Variants in PHACTR2 observed in about 807,000 individuals in gnomAD.
The protein encoded by PHACTR2 is phosphatase and actin regulator 2.
A neutral mutation model predicts 76.0 loss-of-function variants in PHACTR2; 30 were observed. The observed-to-expected ratio is 0.39, with a 90% confidence interval of 0.30 to 0.54. PHACTR2 has a LOEUF of 0.54. Among genes scored for constraint, PHACTR2 ranks in the 20% least tolerant of loss-of-function variants. The pLI is 0.61. For missense variants in PHACTR2, 696 were observed against 781.1 expected, an observed-to-expected ratio of 0.89 and a Z score of 1.30; for synonymous variants, 292 against 292.5, an observed-to-expected ratio of 1.00 and a Z score of 0.02.
rs142637402 is a variant in PHACTR2, at chr6:143,659,420, C to T, written c.13+51098C>T. ...GCAGTCAAGGTGTCAGTAGGGATGT[C>T]GTCTCATCCAAGGCTTGACTGAGGA... On this transcript the variant is annotated intron_variant, in intron 1 of 11. Transcript: ENST00000305766. The surrounding 1 kb of genome is among the most constrained non-coding windows in gnomAD (Gnocchi z 5.0). Among the ~76,000 whole-genome samples the T allele has an allele frequency of 4.3e-3, 656 of 152,242 alleles. 3 individuals are homozygous for T. The highest frequency in any genetic ancestry group is 6.9e-3 in the Non-Finnish European group (466 of 68,004).
At position 143,754,698 on chromosome 6, in the gene PHACTR2, C is replaced by T. The variant is rs1304090027; in HGVS notation, c.454+786C>T. Among the ~76,000 whole-genome samples the T allele has an allele frequency of 2.0e-5, 3 of 152,202 alleles. No individual in the cohort carries two copies. The highest frequency in any genetic ancestry group is 2.9e-5 in the Non-Finnish European group (2 of 68,046). ...GCTGTGATGCGTAGGAACCTCCAAA[C>T]ATGAAATGAAACTTCTAAAAGGAAA... On this transcript the variant is annotated intron_variant, in intron 4 of 12. Transcript: ENST00000440869. This position sits in a 1 kb window ranked among gnomAD's most constrained non-coding sequence, Gnocchi z 6.2.
intron 1 of PHACTR2, among the ~76,000 whole-genome samples, chr6:143,628,917 T>C (rs1363478194): frequency 8.3e-6 from 1 of 120,478 alleles, no homozygotes; most frequent in Non-Finnish European, 1.7e-5. Context: ...AATGTTTAAA[T>C]GCAGGAGATA....
intron 1 of PHACTR2, among the ~76,000 whole-genome samples, chr6:143,574,802 TTCTAAA>T: frequency 6.6e-6 from 1 of 152,122 alleles, no homozygotes; most frequent in Non-Finnish European, 1.5e-5. Context: ...TTCATTTTTG[TTCTAAA>T]TCTAACAGCT....
chr6:143,714,702 G>A (rs1399547567), intron 2 of PHACTR2, among the ~76,000 whole-genome samples: 1 of 152,068 alleles, frequency 6.6e-6, no homozygotes, highest in African/African-American at 2.4e-5. Context: ...TCTCTTTTCC[G>A]TCCACTTCTC....
upstream of PHACTR2, among the ~76,000 whole-genome samples, chr6:143,604,006 G>A (rs1050296056): frequency 1.3e-5 from 2 of 150,726 alleles, no homozygotes; most frequent in Non-Finnish European, 2.9e-5. Flanking sequence ...ACTGAGGCTC[G>A]AGAATCACTT....
rs944434229 is a variant in PHACTR2 at position 143,680,079 on chromosome 6, A to G, written c.46+1870A>G. 2.0e-5 allele frequency among the ~76,000 whole-genome samples: 3 copies of G among 152,060 alleles called. No homozygotes were observed. Among genetic ancestry groups the G allele is most frequent in the African/African-American group, 4.8e-5 (2 of 41,396 alleles). ...AAAGAACAGTTTTCTCGTGGTATCC[A>G]GTGTCTCTAAATCCGTTAGAGCTAC... On this transcript the variant is annotated intron_variant, in intron 1 of 12. Coordinates refer to ENST00000440869, the MANE Select transcript of PHACTR2 (RefSeq NM_001100164.2). This position sits in a 1 kb window ranked among gnomAD's most constrained non-coding sequence, Gnocchi z 4.5.
rs1284365702 is a variant in PHACTR2 at position 143,595,175 on chromosome 6, T to C, written c.217+57968T>C. Reference sequence around the variant, plus strand: ...ATGCAAAATATAGATGGACGAGGAATGATGTTGCTTATTAAAAAGTTCAAT... The same window carrying C: ...ATGCAAAATATAGATGGACGAGGAACGATGTTGCTTATTAAAAAGTTCAAT... On this transcript the variant is annotated intron_variant, in intron 1 of 11. Coordinates refer to the PHACTR2 transcript ENST00000367584. The surrounding 1 kb of genome is among the most constrained non-coding windows in gnomAD (Gnocchi z 4.2). 6.6e-6 allele frequency among the ~76,000 whole-genome samples: 1 copy of C among 152,186 alleles called. No homozygotes were observed. The highest frequency in any genetic ancestry group is 1.9e-4 in the East Asian group (1 of 5,192).
rs544800409 is a variant in PHACTR2, at chr6:143,829,942, T to C, written c.*6253T>C. ...CTACCCTCAGGTCAATTTTATGGTATATGAAAATGCCAGTAATATTTGTGC... is the reference window on the plus strand; with the variant it reads ...CTACCCTCAGGTCAATTTTATGGTACATGAAAATGCCAGTAATATTTGTGC... On this transcript the variant is annotated 3_prime_UTR_variant, in exon 13 of 13. Coordinates refer to ENST00000440869, the MANE Select transcript of PHACTR2 (RefSeq NM_001100164.2). The C allele has an allele frequency of 1.3e-5, 2 of 152,284 alleles. No individual in the cohort carries two copies. The highest frequency in any genetic ancestry group is 3.9e-4 in the East Asian group (2 of 5,182). 9.4% of individuals were successfully genotyped at this position (152,284 alleles called of 1,614,324 possible).
rs1033857889 is a variant in PHACTR2 at position 143,624,721 on chromosome 6, G to A, written c.13+16399G>A. On this transcript the variant is annotated intron_variant, in intron 1 of 11. Transcript: ENST00000305766. The surrounding 1 kb of genome is among the most constrained non-coding windows in gnomAD (Gnocchi z 4.6). ...AAAGCTGGAACCCCACGGTTGCCCT[G>A]GATCAGCTGAGGTGGTTACTAGAGA... Among the ~76,000 whole-genome samples the A allele has an allele frequency of 6.6e-6, 1 of 152,076 alleles. No individual in the cohort carries two copies. The highest frequency in any genetic ancestry group is 2.4e-5 in the African/African-American group (1 of 41,418).
At chr6:143,702,470 T>C (rs983604904) in intron 1 of PHACTR2, among the ~76,000 whole-genome samples, 4 of 152,158 alleles carry the variant, frequency 2.6e-5, no homozygotes, top group Admixed American at 2.6e-4. Context: ...TGTTGCTGGT[T>C]CACCATGAGT....
At chr6:143,615,760 G>T (rs1014023241) in intron 1 of PHACTR2, among the ~76,000 whole-genome samples, 1 of 152,164 alleles carries the variant, frequency 6.6e-6, no homozygotes, top group African/African-American at 2.4e-5. Context: ...GAATATGAAA[G>T]AATTTTACTT....
At chr6:143,645,754 A>G (rs1157630796) in intron 1 of PHACTR2, among the ~76,000 whole-genome samples, 1 of 152,234 alleles carries the variant, frequency 6.6e-6, no homozygotes, top group Non-Finnish European at 1.5e-5. Flanking sequence ...TCATGTTGAC[A>G]TTATTCCTTA....
rs548118790 is a variant in PHACTR2 at position 143,664,959 on chromosome 6, C to T, written c.14-47057C>T. On this transcript the variant is annotated intron_variant, in intron 1 of 11. Coordinates refer to the PHACTR2 transcript ENST00000305766. This position sits in a 1 kb window ranked among gnomAD's most constrained non-coding sequence, Gnocchi z 5.1. ...CATTACAGGCACCTGCCACCACACCCGGCTATTTTCTTGTATTTTTAGTAG... is the reference window on the plus strand; with the variant it reads ...CATTACAGGCACCTGCCACCACACCTGGCTATTTTCTTGTATTTTTAGTAG... 4.6e-5 allele frequency among the ~76,000 whole-genome samples: 7 copies of T among 152,108 alleles called. No individual in the cohort carries two copies. In the East Asian group the frequency reaches 9.7e-4, roughly 21 times the overall value.
intron 12 of PHACTR2, among the ~76,000 whole-genome samples, chr6:143,817,851 G>T (rs2128486342): frequency 6.6e-6 from 1 of 152,304 alleles, no homozygotes; most frequent in Middle Eastern, 3.4e-3. Context: ...AAGATAAAGA[G>T]GGTAGGGGAA....
In PHACTR2 at chr6:143,743,530, A is replaced by T. The variant is rs1282642842; in HGVS notation, c.215-5455A>T. On this transcript the variant is annotated intron_variant, in intron 2 of 12. Coordinates refer to ENST00000440869, the MANE Select transcript of PHACTR2 (RefSeq NM_001100164.2). The surrounding 1 kb of genome is among the most constrained non-coding windows in gnomAD (Gnocchi z 5.0). Reference sequence around the variant, plus strand: ...GGGATGTTTTGGAAGGTTTTTGCAAATGTCCTGTTGGGTGGCATTGAAGCG... The same window carrying T: ...GGGATGTTTTGGAAGGTTTTTGCAATTGTCCTGTTGGGTGGCATTGAAGCG... Among the ~76,000 whole-genome samples the T allele has an allele frequency of 6.6e-6, 1 of 152,210 alleles. No homozygotes were observed. The highest frequency in any genetic ancestry group is 1.9e-4 in the East Asian group (1 of 5,198).
chr6:143,587,711 G>T (rs9496688), intron 1 of PHACTR2, among the ~76,000 whole-genome samples: 63,941 of 151,904 alleles, frequency 0.42, 13,897 homozygotes, highest in African/African-American at 0.46. Flanking sequence ...CTACCTGAAG[G>T]GTTATTGAAA....
chr6:143,788,977 C>G lies in PHACTR2; in HGVS notation c.1845+67C>G, dbSNP rs527950270. Reference sequence around the variant, plus strand: ...CTGGAAGCTCCAATATCCACATCCCCCCTACTTAAGTCATCCCAGGGGACG... The same window carrying G: ...CTGGAAGCTCCAATATCCACATCCCGCCTACTTAAGTCATCCCAGGGGACG... On this transcript the variant is annotated intron_variant, in intron 11 of 12. Coordinates refer to ENST00000440869, the MANE Select transcript of PHACTR2 (RefSeq NM_001100164.2). 4.8e-6 allele frequency: 7 copies of G among 1,455,652 alleles called. No homozygotes were observed. In the South Asian group the frequency reaches 8.3e-5, roughly 17 times the overall value. The allele number at this position is 1,455,652 out of a possible 1,614,324, so 90.2% of individuals were successfully genotyped here. A position where few individuals can be genotyped will look rare whatever the true frequency, so the allele number is the denominator to read the frequency against.
chr6:143,799,625 G>A (rs1775908969), intron 11 of PHACTR2, among the ~76,000 whole-genome samples: 1 of 152,134 alleles, frequency 6.6e-6, no homozygotes, highest in African/African-American at 2.4e-5. Flanking sequence ...CTTTATTTCT[G>A]CCTTCATTTC....
rs1319314947 is a variant in PHACTR2, at chr6:143,671,652, G to C, written c.14-40364G>C. On this transcript the variant is annotated intron_variant, in intron 1 of 11. Transcript: ENST00000305766. The surrounding 1 kb of genome is among the most constrained non-coding windows in gnomAD (Gnocchi z 4.6). ...GTGTTTTTGTATTTTGTATAATTCT[G>C]TCTCCTAAGTACCTAGAACAAAGAC... Among the ~76,000 whole-genome samples, 2 of 152,154 alleles carry C rather than the reference G, an allele frequency of 1.3e-5. No individual in the cohort carries two copies. Among genetic ancestry groups the C allele is most frequent in the African/African-American group, 4.8e-5 (2 of 41,420 alleles).
Sources: gnomAD v4.1 joint callset for allele counts (sites outside exome capture counted in the v4.1 genomes callset) on GRCh38, gnomAD v4.1.1 for gene constraint, Gnocchi (gnomAD v3.1) non-coding constraint, MANE v1.5 for transcripts, NCBI Gene and HGNC (gene_info 2026-07-23, HGNC 2026-07-21) for gene names.